SUGCT: variants seen among roughly 807,000 people sequenced by gnomAD.
SUGCT encodes the protein succinyl-CoA:glutarate CoA-transferase.
In SUGCT, 41 loss-of-function variants were observed where a neutral mutation model predicts 55.0. That is an observed-to-expected ratio of 0.74 (90% CI 0.58 to 0.97). The LOEUF (loss-of-function observed/expected upper bound fraction) is 0.97. Ranked by LOEUF, SUGCT falls within the 50% of genes least tolerant of loss-of-function variation. The probability of loss-of-function intolerance (pLI) is 0.00; values close to 1 mark genes in which losing one functional copy is unlikely to be tolerated. For synonymous variants in SUGCT, 187 were observed against 200.4 expected, an observed-to-expected ratio of 0.93 and a Z score of 0.56; for missense variants, 568 against 547.8, an observed-to-expected ratio of 1.04 and a Z score of -0.37.
intron 1 of SUGCT, among the ~76,000 whole-genome samples, chr7:40,158,322 G>A (rs1052596905): frequency 2.0e-5 from 3 of 152,094 alleles, no homozygotes; most frequent in Non-Finnish European, 4.4e-5. Flanking sequence ...TGTAACACAG[G>A]TATTAATGCA....
chr7:40,471,083 A>G (rs1790379594), intron 11 of SUGCT, among the ~76,000 whole-genome samples: 1 of 152,154 alleles, frequency 6.6e-6, no homozygotes, highest in Non-Finnish European at 1.5e-5. Context: ...TAGATAATGT[A>G]TTTGAAAAAT....
chr7:40,865,974 C>T, the SUGCT span, among the ~76,000 whole-genome samples: 1 of 152,162 alleles, frequency 6.6e-6, no homozygotes, highest in African/African-American at 2.4e-5. Context: ...AGATTAACCA[C>T]ATGACAGTCC....
chr7:40,579,929 C>A (rs1191831731), intron 12 of SUGCT, among the ~76,000 whole-genome samples: 1 of 152,160 alleles, frequency 6.6e-6, no homozygotes, highest in Non-Finnish European at 1.5e-5. Context: ...AAATAATTCA[C>A]CTATCAGGTC....
At chr7:41,037,393 A>G in the SUGCT span, among the ~76,000 whole-genome samples, 3 of 151,924 alleles carry the variant, frequency 2.0e-5, no homozygotes, top group Non-Finnish European at 4.4e-5. Context: ...CACTTAACAC[A>G]CATTAGGTGA....
chr7:40,927,371 G>A, the SUGCT span, among the ~76,000 whole-genome samples: 1 of 152,140 alleles, frequency 6.6e-6, no homozygotes, highest in Admixed American at 6.6e-5. Flanking sequence ...AGGTATCACT[G>A]AGTGGTGGGA....
At chr7:41,021,951 A>G in the SUGCT span, among the ~76,000 whole-genome samples, 46 of 151,014 alleles carry the variant, frequency 3.0e-4, no homozygotes, top group Admixed American at 1.1e-3. Flanking sequence ...GTAAAGAAAT[A>G]TGAAGAATAG....
At chr7:40,948,227 T>A in the SUGCT span, among the ~76,000 whole-genome samples, 1 of 152,162 alleles carries the variant, frequency 6.6e-6, no homozygotes, top group African/African-American at 2.4e-5. Context: ...TGCCATTCCT[T>A]CTCTGCATGA....
chr7:40,625,315 A>T (rs1799476006), intron 12 of SUGCT, among the ~76,000 whole-genome samples: 1 of 152,014 alleles, frequency 6.6e-6, no homozygotes, highest in African/African-American at 2.4e-5. Flanking sequence ...GTTCGTGAAG[A>T]TTTTCAGGGC....
chr7:40,419,940 A>T (rs1787217624), intron 9 of SUGCT, among the ~76,000 whole-genome samples: 4 of 152,216 alleles, frequency 2.6e-5, no homozygotes, highest in Admixed American at 2.6e-4. Flanking sequence ...CATGGATGAT[A>T]TGTAGCTGGC....
At chr7:40,377,204 T>TTTTTTC (rs1784627563) in intron 9 of SUGCT, among the ~76,000 whole-genome samples, 1 of 11,842 alleles carries the variant, frequency 8.4e-5, no homozygotes, top group Non-Finnish European at 2.6e-4. Context: ...CTTTCTTTTC[T>TTTTTTC]TTTCTTTTCT....
chr7:40,401,389 G>C (rs1001713762), intron 9 of SUGCT, among the ~76,000 whole-genome samples: 2 of 152,202 alleles, frequency 1.3e-5, no homozygotes, highest in Non-Finnish European at 2.9e-5. Context: ...TCTGCCCTCT[G>C]TGTGCTCTAC....
chr7:40,541,068 T>G (rs1477385035), intron 12 of SUGCT, among the ~76,000 whole-genome samples: 2 of 152,198 alleles, frequency 1.3e-5, no homozygotes, highest in Non-Finnish European at 2.9e-5. Context: ...AAGGAATTGA[T>G]AATTTGGCAG....
At chr7:40,203,784 AAAAG>A (rs938878870) in intron 6 of SUGCT, among the ~76,000 whole-genome samples, 9 of 152,070 alleles carry the variant, frequency 5.9e-5, no homozygotes, top group Non-Finnish European at 8.8e-5. Flanking sequence ...CAGAAAAAAA[AAAAG>A]AAAGAAAAAA....
chr7:40,289,521 A>G (rs1793589180), intron 8 of SUGCT, among the ~76,000 whole-genome samples: 1 of 152,160 alleles, frequency 6.6e-6, no homozygotes, highest in Non-Finnish European at 1.5e-5. Context: ...AATAAGAGCT[A>G]TCTATGACAA....
At chr7:41,031,636 A>G in the SUGCT span, among the ~76,000 whole-genome samples, 6 of 152,156 alleles carry the variant, frequency 3.9e-5, no homozygotes, top group South Asian at 2.1e-4. Flanking sequence ...TTCAAAGGCT[A>G]TATTTCAGAT....
chr7:40,798,371 A>T (rs551649242), intron 13 of SUGCT, among the ~76,000 whole-genome samples: 1 of 152,204 alleles, frequency 6.6e-6, no homozygotes. Context: ...TCTATGGTGC[A>T]CTCCTTTTTG....
At chr7:40,480,314 A>G (rs941508226) in intron 11 of SUGCT, among the ~76,000 whole-genome samples, 11 of 152,098 alleles carry the variant, frequency 7.2e-5, no homozygotes, top group Admixed American at 3.9e-4. Context: ...CCCTGTGATG[A>G]TCATTTCACT....
At chr7:40,288,857 T>C (rs1793527066) in intron 8 of SUGCT, among the ~76,000 whole-genome samples, 1 of 152,192 alleles carries the variant, frequency 6.6e-6, no homozygotes, top group African/African-American at 2.4e-5. Flanking sequence ...ACATCTTAAT[T>C]TGGAATATTG....
the SUGCT span, among the ~76,000 whole-genome samples, chr7:40,973,507 G>T: frequency 1.3e-5 from 2 of 152,106 alleles, no homozygotes; most frequent in Admixed American, 1.3e-4. Flanking sequence ...AAATCTAGGG[G>T]AAGGGACCCT....
Sources: allele counts gnomAD v4.1 joint callset (sites outside exome capture counted in the v4.1 genomes callset), GRCh38; gene constraint gnomAD v4.1.1; transcripts MANE v1.5; gene names NCBI Gene and HGNC (gene_info 2026-07-23, HGNC 2026-07-21).